APOOL: variants seen among roughly 807,000 people sequenced by gnomAD.
APOOL encodes MICOS complex subunit MIC27.
In APOOL, 12 loss-of-function variants were observed where a neutral mutation model predicts 23.1. The observed-to-expected ratio is 0.52, with a 90% CI of 0.33 to 0.84. The LOEUF is 0.84. Ranked by LOEUF, APOOL falls within the 40% of genes least tolerant of loss-of-function variation. The pLI is 0.02. For missense variants in APOOL, 212 were observed against 199.6 expected, an observed-to-expected ratio of 1.06 and a Z score of -0.37; for synonymous variants, 77 against 69.9, an observed-to-expected ratio of 1.10 and a Z score of -0.51.
intron 1 of APOOL, among the ~76,000 whole-genome samples, chrX:85,025,428 G>C (rs975951521): frequency 2.7e-5 from 3 of 111,514 alleles, no homozygotes; most frequent in African/African-American, 9.8e-5. Context: ...AAATACAATC[G>C]TACTTTCCCA....
intron 6 of APOOL, 109 bp from the exon 7 acceptor site, chrX:85,073,889 T>A: frequency 2.0e-6 from 1 of 509,448 alleles, no homozygotes; most frequent in Non-Finnish European, 3.1e-6. Context: ...TTTATATCTT[T>A]ATTGATTCTG....
In APOOL at chrX:85,022,896, G is replaced by A. The variant is rs186843197; in HGVS notation, c.15+18969G>A. 5.5e-4 allele frequency among the ~76,000 whole-genome samples: 61 copies of A among 111,636 alleles called. No individual in the cohort carries two copies. The East Asian group carries it at 0.014, about 26-fold the overall frequency. ...GTGGGTCCTCATGGTAGATGTTTGGGTCACAGGGCCAGATCCCCCATGAAT... is the reference window on the plus strand; with the variant it reads ...GTGGGTCCTCATGGTAGATGTTTGGATCACAGGGCCAGATCCCCCATGAAT... On this transcript the variant is annotated intron_variant, in intron 1 of 8. Transcript: ENST00000373173.
At chrX:85,013,164 A>G (rs1032528298) in intron 1 of APOOL, among the ~76,000 whole-genome samples, 6 of 111,581 alleles carry the variant, frequency 5.4e-5, no homozygotes, top group African/African-American at 1.9e-4. Context: ...TTGCATTTCT[A>G]TGGTATCAGT....
At chrX:85,043,541 T>TA (rs1201901388) in intron 1 of APOOL, among the ~76,000 whole-genome samples, 1 of 111,419 alleles carries the variant, frequency 9.0e-6, no homozygotes, top group African/African-American at 3.3e-5. Context: ...ATTTTAAACT[T>TA]AGAGTCCAGG....
intron 2 of APOOL, among the ~76,000 whole-genome samples, chrX:85,048,140 G>A (rs1922637545): frequency 9.0e-6 from 1 of 110,850 alleles, no homozygotes; most frequent in African/African-American, 3.3e-5. Context: ...CATGCATAAA[G>A]GTAATATTCA....
rs748360456 is a variant in APOOL, at chrX:85,051,481, A to C, written c.213A>C (p.Ala71=). The C allele has an allele frequency of 8.3e-7, 1 of 1,211,489 alleles. No homozygotes were observed. Among genetic ancestry groups the C allele is most frequent in the East Asian group, 3.0e-5 (1 of 33,853 alleles). The part of the protein sequence containing the change: ...LQMGFASIRT[A]TGCYIGWCKG... ...TGGGCTTTGCTTCCATCCGCACTGCAACTGGTTGTTACATTGGCTGGTGCA... is the reference window on the plus strand; with the variant it reads ...TGGGCTTTGCTTCCATCCGCACTGCCACTGGTTGTTACATTGGCTGGTGCA... The change falls in exon 3 of 9, where the codon GCA becomes GCC. Residue 71 remains alanine (A), a synonymous_variant. Coordinates refer to ENST00000373173, the MANE Select transcript of APOOL (RefSeq NM_198450.6).
At chrX:85,021,045 G>T (rs1415728647) in intron 1 of APOOL, among the ~76,000 whole-genome samples, 1 of 112,074 alleles carries the variant, frequency 8.9e-6, no homozygotes, top group East Asian at 2.8e-4. Context: ...TAGGCTTGGG[G>T]TCCACTCCTT....
At chrX:85,086,766 C>G (rs772560846) in intron 8 of APOOL, among the ~76,000 whole-genome samples, 6 of 86,905 alleles carry the variant, frequency 6.9e-5, no homozygotes, top group African/African-American at 2.6e-4. Flanking sequence ...GTGGCGCGAT[C>G]TCGGCTCACT....
chrX:85,086,369 C>A (rs1390092790), intron 8 of APOOL, among the ~76,000 whole-genome samples: 2 of 111,552 alleles, frequency 1.8e-5, no homozygotes, highest in African/African-American at 3.3e-5. Flanking sequence ...GTAAGCAATT[C>A]AAATTTAACA....
intron 1 of APOOL, among the ~76,000 whole-genome samples, chrX:85,032,936 G>A (rs1050778158): frequency 9.0e-5 from 10 of 111,723 alleles, no homozygotes; most frequent in Non-Finnish European, 1.7e-4. Flanking sequence ...TCGTAACTCA[G>A]TATCTTTAGT....
chrX:85,024,560 G>T (rs1317709996), intron 1 of APOOL, among the ~76,000 whole-genome samples: 1 of 112,289 alleles, frequency 8.9e-6, no homozygotes, highest in African/African-American at 3.2e-5. Flanking sequence ...CAGTTTTCAC[G>T]CTTGATCCAG....
chrX:85,027,474 G>A (rs375133308), intron 1 of APOOL, among the ~76,000 whole-genome samples: 1 of 111,534 alleles, frequency 9.0e-6, no homozygotes, highest in African/African-American at 3.3e-5. Flanking sequence ...CCCACTTCAC[G>A]CTTGTTATTG....
chrX:85,088,095 T>TTTATACATATATGTATACATAC lies in APOOL; in HGVS notation c.*417_*418insTTATACATATATGTATACATAC, dbSNP rs1569462329. ...ACATATACATATATGTATAAATACA[T>TTTATACATATATGTATACATAC]ATACATATTTATACATATATGTATA... On this transcript the variant is annotated 3_prime_UTR_variant, in exon 9 of 9. Transcript: ENST00000373173. 1 of 2,982 alleles carries TTTATACATATATGTATACATAC rather than the reference T, an allele frequency of 3.4e-4. No homozygotes were observed. Among genetic ancestry groups the TTTATACATATATGTATACATAC allele is most frequent in the African/African-American group, 6.4e-4 (1 of 1,563 alleles). 0.2% of individuals were successfully genotyped at this position (2,982 alleles called of 1,213,427 possible).
intron 1 of APOOL, among the ~76,000 whole-genome samples, chrX:85,041,147 C>T (rs1376472806): frequency 8.9e-6 from 1 of 111,771 alleles, no homozygotes; most frequent in Non-Finnish European, 1.9e-5. Flanking sequence ...GCTGCCAGCC[C>T]AAGTGCTCAG....
chrX:85,039,702 G>A (rs911515926), intron 1 of APOOL, among the ~76,000 whole-genome samples: 1 of 111,342 alleles, frequency 9.0e-6, no homozygotes, highest in African/African-American at 3.3e-5. Flanking sequence ...TCTTTTTTGT[G>A]TGAAATTAGA....
intron 5 of APOOL, among the ~76,000 whole-genome samples, chrX:85,066,190 A>G: frequency 8.9e-6 from 1 of 112,263 alleles, no homozygotes. Context: ...TATCCCAATT[A>G]AAAAACCCAT....
chrX:85,006,074 G>C (rs1921070144), intron 1 of APOOL, among the ~76,000 whole-genome samples: 2 of 111,925 alleles, frequency 1.8e-5, no homozygotes, highest in African/African-American at 6.5e-5. Flanking sequence ...TATGTGGTGG[G>C]TATTATTACC....
chrX:85,042,498 A>G (rs915343223), intron 1 of APOOL, among the ~76,000 whole-genome samples: 1 of 112,276 alleles, frequency 8.9e-6, no homozygotes, highest in South Asian at 3.7e-4. Flanking sequence ...TGATGGCTTC[A>G]CTGCTGGATT....
intron 8 of APOOL, among the ~76,000 whole-genome samples, chrX:85,076,031 T>A (rs1343398073): frequency 9.0e-6 from 1 of 111,325 alleles, no homozygotes; most frequent in African/African-American, 3.3e-5. Context: ...GACAGCCTAC[T>A]TCTCATTGTA....
Sources: allele counts gnomAD v4.1 joint callset (sites outside exome capture counted in the v4.1 genomes callset), GRCh38; gene constraint gnomAD v4.1.1; transcripts MANE v1.5; gene names NCBI Gene and HGNC (gene_info 2026-07-23, HGNC 2026-07-21).